ZSCAN30: variants seen among roughly 807,000 people sequenced by gnomAD.
The protein encoded by ZSCAN30 is zinc finger and SCAN domain-containing protein 30.
In ZSCAN30, 37 loss-of-function variants were observed where a neutral mutation model predicts 44.3. The ratio of observed to expected loss-of-function variants is 0.84; its 90% CI spans 0.64 to 1.10. ZSCAN30 has a LOEUF of 1.10. ZSCAN30 is among the 50% of genes least tolerant of loss of function. The pLI is 0.00. For synonymous variants in ZSCAN30, 181 were observed against 204.6 expected (o/e 0.88, Z 0.98); for missense variants, 549 against 582.6 (o/e 0.94, Z 0.59).
At chr18:35,272,890 G>C (rs1416880842) in intron 1 of ZSCAN30, among the ~76,000 whole-genome samples, 3 of 152,226 alleles carry the variant, frequency 2.0e-5, no homozygotes, top group African/African-American at 4.8e-5. Context: ...GGGAGAATGA[G>C]AGCCAAGCAA....
At chr18:35,265,458 C>A (rs1245148322) in intron 1 of ZSCAN30, among the ~76,000 whole-genome samples, 1 of 152,170 alleles carries the variant, frequency 6.6e-6, no homozygotes, top group Non-Finnish European at 1.5e-5. Context: ...TGGTAAATAG[C>A]AAAGTCGAGA....
chr18:35,272,871 A>G (rs1010707587), intron 1 of ZSCAN30, among the ~76,000 whole-genome samples: 1 of 152,262 alleles, frequency 6.6e-6, no homozygotes, highest in African/African-American at 2.4e-5. Flanking sequence ...TCACATGACA[A>G]CAGCACAAGG....
At chr18:35,270,417 C>T (rs2044246878) in intron 1 of ZSCAN30, among the ~76,000 whole-genome samples, 1 of 152,192 alleles carries the variant, frequency 6.6e-6, no homozygotes, top group African/African-American at 2.4e-5. Flanking sequence ...CTCTTATCTG[C>T]TCTTTTTAAT....
rs766580456 is a variant in ZSCAN30, at chr18:35,254,229, T to TA, written c.705dup (p.Lys236Ter). 7 of 1,614,200 alleles carry TA rather than the reference T, an allele frequency of 4.3e-6. No homozygotes were observed. In the South Asian group the frequency reaches 5.5e-5, roughly 13 times the overall value. On this transcript the variant is annotated frameshift_variant, in exon 4 of 4. Coordinates refer to ENST00000333206, the MANE Select transcript of ZSCAN30 (RefSeq NM_001112734.4). LOFTEE classifies it high-confidence loss of function. ...CCTGCAGCATTTCCCTTTTGCTTCT[T>TA]AGAGTTGTCCAGACCTCCCAAAGCT...
Position 35,254,271 on chromosome 18 carries a change from G to A in ZSCAN30, c.664C>T (p.Gln222Ter). ...CCCAAAGCTTCTTCAGCTATCCGTT[G>A]GGAATGTGTTTCTCCAGGAAGTTTT... ...PGKLPGETHS[Q>*]RIAEEALGGL... The change falls in exon 4 of 4, where the codon CAA becomes TAA. Residue 222 changes from glutamine (Q) to a stop codon, truncating the protein, a stop_gained. Transcript: ENST00000333206. LOFTEE classifies it high-confidence loss of function. The A allele has an allele frequency of 6.2e-7, 1 of 1,614,048 alleles. No individual in the cohort carries two copies. The highest frequency in any genetic ancestry group is 1.1e-5 in the South Asian group (1 of 91,076).
chr18:35,254,558 C>T (rs1276175903), intron 3 of ZSCAN30, 177 bp from the exon 4 acceptor site: 1 of 1,102,254 alleles, frequency 9.1e-7, no homozygotes, highest in Non-Finnish European at 1.3e-6. Context: ...ATATGGCCCC[C>T]TTGGAGAGTA....
At chr18:35,276,535 T>C (rs537003060) in intron 1 of ZSCAN30, among the ~76,000 whole-genome samples, 1 of 152,260 alleles carries the variant, frequency 6.6e-6, no homozygotes, top group Admixed American at 6.5e-5. Context: ...CAGCCATGGC[T>C]GAAAGGGGCC....
chr18:35,264,377 G>C lies in ZSCAN30; in HGVS notation c.-25C>G. On this transcript the variant is annotated 5_prime_UTR_variant, in exon 2 of 4. Transcript: ENST00000333206. ...TTCTGGGCAGAGACAGTCTGAAAAG[G>C]CTGCCCAGGTGAGGCAGGGAGGAGA... The C allele has an allele frequency of 2.5e-6, 4 of 1,598,860 alleles. No individual in the cohort carries two copies. Among genetic ancestry groups the C allele is most frequent in the South Asian group, 1.1e-5 (1 of 89,364 alleles).
At chr18:35,279,247 G>A (rs1199467107) in intron 1 of ZSCAN30, among the ~76,000 whole-genome samples, 1 of 152,220 alleles carries the variant, frequency 6.6e-6, no homozygotes, top group East Asian at 1.9e-4. Context: ...CAAGGTGCCA[G>A]CAGGGCCATA....
Position 35,254,119 on chromosome 18 carries a change from G to T in ZSCAN30, c.816C>A (p.Val272=). 1.2e-6 allele frequency: 2 copies of T among 1,614,108 alleles called. No individual in the cohort carries two copies. Among genetic ancestry groups the T allele is most frequent in the Non-Finnish European group, 1.7e-6 (2 of 1,180,008 alleles). The change falls in exon 4 of 4, where the codon GTC becomes GTA. Residue 272 remains valine (V), a synonymous_variant. Transcript: ENST00000333206. Reference sequence around the variant, plus strand: ...TTCCTTCACTCTCATGAGATTCAAGGACACTGTGTTCTGTGGGGATTCTTC... The same window carrying T: ...TTCCTTCACTCTCATGAGATTCAAGTACACTGTGTTCTGTGGGGATTCTTC... ...FNRRIPTEHS[V]LESHESEGSF... is the part of the protein sequence containing the mutation.
At position 35,253,759 on chromosome 18, in the gene ZSCAN30, C is replaced by A; in HGVS notation, c.1176G>T (p.Lys392Asn). Residue 392 changes from lysine to asparagine, a missense_variant, in exon 4 of 4, where the codon AAG (lysine) becomes AAT (asparagine). By Grantham distance (94) the Lys-to-Asn change is moderately conservative. Transcript: ENST00000333206. The stretch of plus-strand genomic sequence containing the variant: ...TAAGGGCTGAGCTCCGGCTGAAGGC[C>A]TTCCCACATTCTCCACATTCATAAG... ...EKPYECGECG[K>N]AFSRSSALIQ... The A allele has an allele frequency of 6.2e-7, 1 of 1,613,568 alleles. No homozygotes were observed. The highest frequency in any genetic ancestry group is 1.1e-5 in the South Asian group (1 of 91,054).
chr18:35,280,927 A>C (rs1185060845), intron 1 of ZSCAN30: 1 of 152,260 alleles, frequency 6.6e-6, no homozygotes, highest in Non-Finnish European at 1.5e-5. Context: ...TTGTTTACAC[A>C]GTCTAAGTAT....
At chr18:35,271,186 C>G (rs1001991728) in intron 1 of ZSCAN30, among the ~76,000 whole-genome samples, 3 of 152,200 alleles carry the variant, frequency 2.0e-5, no homozygotes, top group Non-Finnish European at 2.9e-5. Flanking sequence ...CTGCTGCTTG[C>G]TGGGGCAGCC....
At chr18:35,258,009 A>C in intron 3 of ZSCAN30, 2 of 780,906 alleles carry the variant, frequency 2.6e-6, no homozygotes, top group Non-Finnish European at 4.8e-6. Flanking sequence ...AAGGCATATC[A>C]TGAGGCTAGT....
intron 1 of ZSCAN30, chr18:35,269,379 G>C (rs1169716104): frequency 1.3e-5 from 2 of 149,298 alleles, no homozygotes; most frequent in African/African-American, 4.9e-5. Context: ...CTGTAGCATA[G>C]AAAACCCCTC....
intron 3 of ZSCAN30, chr18:35,257,952 A>T: frequency 1.3e-6 from 1 of 781,078 alleles, no homozygotes. Flanking sequence ...ACACATCGTC[A>T]ATAAATCACC....
chr18:35,254,742 G>A (rs1407216052), intron 3 of ZSCAN30: 1 of 326,438 alleles, frequency 3.1e-6, no homozygotes, highest in Non-Finnish European at 5.9e-6. Context: ...GGAAAAAAAA[G>A]TTAAAAGGAA....
At chr18:35,271,147 G>C (rs114036828) in intron 1 of ZSCAN30, among the ~76,000 whole-genome samples, 1 of 152,114 alleles carries the variant, frequency 6.6e-6, no homozygotes, top group Non-Finnish European at 1.5e-5. Flanking sequence ...AAAACCCTCC[G>C]CACTGTGGAA....
At chr18:35,288,587 G>C (rs1410160516) in intron 1 of ZSCAN30, among the ~76,000 whole-genome samples, 1 of 152,126 alleles carries the variant, frequency 6.6e-6, no homozygotes, top group East Asian at 1.9e-4. Context: ...TAAACAAACT[G>C]TGGTATATAC....
Sources: allele counts gnomAD v4.1 joint callset (sites outside exome capture counted in the v4.1 genomes callset), GRCh38; gene constraint gnomAD v4.1.1; transcripts MANE v1.5; gene names NCBI Gene and HGNC (gene_info 2026-07-23, HGNC 2026-07-21).